The following CPS1 variants were observed in gnomAD, a reference collection of about 807,000 sequenced individuals.
The protein encoded by CPS1 is carbamoyl-phosphate synthase [ammonia], mitochondrial.
In CPS1, 109 loss-of-function variants were observed where a neutral mutation model predicts 174.6. The ratio of observed to expected loss-of-function variants is 0.62; its 90% CI spans 0.53 to 0.73. The LOEUF (loss-of-function observed/expected upper bound fraction) is 0.73, where lower values mean the gene tolerates loss of function less well. Among genes scored for constraint, CPS1 ranks in the 30% least tolerant of loss-of-function variants. The pLI is 0.00. For synonymous variants in CPS1, 637 were observed against 632.0 expected (o/e 1.01, Z -0.12); for missense variants, 1,689 against 1,821.9 (o/e 0.93, Z 1.33).
At chr2:210,521,134 G>A (rs565448464) in intron 1 of CPS1, among the ~76,000 whole-genome samples, 1 of 152,066 alleles carries the variant, frequency 6.6e-6, no homozygotes, top group South Asian at 2.1e-4. Flanking sequence ...TCAAATTGTA[G>A]CCATTCTTAT....
At chr2:210,639,932 A>G (rs1700164425) in intron 23 of CPS1, 64 bp from the exon 24 acceptor site, 3 of 1,103,628 alleles carry the variant, frequency 2.7e-6, no homozygotes, top group African/African-American at 1.5e-5. Flanking sequence ...TAGGACAACT[A>G]GTTTAATTAA....
intron 14 of CPS1, 87 bp downstream of exon 14, chr2:210,599,648 T>C: frequency 7.0e-7 from 1 of 1,438,502 alleles, no homozygotes; most frequent in East Asian, 2.3e-5. Flanking sequence ...ACAATTGTGC[T>C]TTGTGTGTTC....
At chr2:210,507,368 C>A (rs1389144135) in intron 1 of CPS1, among the ~76,000 whole-genome samples, 3 of 152,152 alleles carry the variant, frequency 2.0e-5, no homozygotes, top group African/African-American at 7.2e-5. Context: ...AAAAGAGCTC[C>A]TGAAGGAAGC....
rs534600108 is a variant in CPS1 at position 210,492,202 on chromosome 2, G to T, written c.3+14436G>T. On this transcript the variant is annotated intron_variant, in intron 1 of 38. Coordinates refer to the CPS1 transcript ENST00000430249. ...TCAAAATAAGTTATAAGATATAGCA[G>T]CATTTGCTGGCTGGAAAACCTTTAG... Among the ~76,000 whole-genome samples, 11 of 152,300 alleles carry T rather than the reference G, an allele frequency of 7.2e-5. No individual in the cohort carries two copies. The East Asian group carries it at 2.1e-3, about 29-fold the overall frequency.
intron 18 of CPS1, 135 bp downstream of exon 18, chr2:210,607,076 T>C: frequency 1.3e-6 from 1 of 757,740 alleles, no homozygotes; most frequent in Non-Finnish European, 2.2e-6. Context: ...AAATCATTTA[T>C]AGCACCCTGA....
At chr2:210,605,431 C>T (rs1443613623) in intron 17 of CPS1, among the ~76,000 whole-genome samples, 185 bp downstream of exon 17, 3 of 151,866 alleles carry the variant, frequency 2.0e-5, no homozygotes, top group East Asian at 3.9e-4. Context: ...TTGATCTTCA[C>T]ACAAACCCTG....
At chr2:210,570,848 G>C (rs1697455975) in intron 1 of CPS1, among the ~76,000 whole-genome samples, 1 of 151,856 alleles carries the variant, frequency 6.6e-6, no homozygotes, top group South Asian at 2.1e-4. Flanking sequence ...GTTACCTGGG[G>C]AGTTTTCCTA....
At chr2:210,510,937 T>G (rs942047627) in intron 1 of CPS1, among the ~76,000 whole-genome samples, 1 of 152,210 alleles carries the variant, frequency 6.6e-6, no homozygotes, top group Non-Finnish European at 1.5e-5. Context: ...TTGGTGGGAC[T>G]GTAAACTAGT....
intron 21 of CPS1, among the ~76,000 whole-genome samples, chr2:210,630,104 AC>A (rs1371650563): frequency 2.9e-4 from 44 of 151,354 alleles, no homozygotes; most frequent in African/African-American, 1.0e-3. Flanking sequence ...AAAAAAAAAA[AC>A]AAAACCATGA....
At chr2:210,601,542 A>T (rs16844659) in intron 15 of CPS1, among the ~76,000 whole-genome samples, 1,933 of 152,098 alleles carry the variant, frequency 0.013, 32 homozygotes, top group African/African-American at 0.041. Flanking sequence ...CTCTTGCCAT[A>T]CATTTGTTCT....
chr2:210,514,752 C>G (rs1695629420), intron 1 of CPS1, among the ~76,000 whole-genome samples: 1 of 146,242 alleles, frequency 6.8e-6, no homozygotes. Context: ...AATAGGCATC[C>G]TTGTCTTGTT....
chr2:210,522,682 C>T (rs1473228215), intron 1 of CPS1, among the ~76,000 whole-genome samples: 1 of 151,910 alleles, frequency 6.6e-6, no homozygotes, highest in Non-Finnish European at 1.5e-5. Flanking sequence ...TAATAGTGGA[C>T]AGTTGCTATC....
intron 21 of CPS1, among the ~76,000 whole-genome samples, chr2:210,628,631 C>A (rs1455984201): frequency 6.6e-6 from 1 of 152,018 alleles, no homozygotes; most frequent in African/African-American, 2.4e-5. Context: ...GAAATACTGT[C>A]TCTACTAAAA....
At chr2:210,506,794 G>A (rs193171617) in intron 1 of CPS1, among the ~76,000 whole-genome samples, 3 of 152,238 alleles carry the variant, frequency 2.0e-5, no homozygotes, top group Non-Finnish European at 4.4e-5. Flanking sequence ...AAGATCAAAC[G>A]AATGAAATGA....
At chr2:210,564,852 T>C (rs1407017975) in intron 1 of CPS1, among the ~76,000 whole-genome samples, 1 of 151,708 alleles carries the variant, frequency 6.6e-6, no homozygotes, top group Non-Finnish European at 1.5e-5. Context: ...ATTAGCTGGG[T>C]GTGGTGGCGC....
intron 21 of CPS1, among the ~76,000 whole-genome samples, chr2:210,620,852 G>C (rs1340249338): frequency 6.6e-6 from 1 of 151,942 alleles, no homozygotes; most frequent in Non-Finnish European, 1.5e-5. Context: ...TCTGAGATTT[G>C]GGCAGGGACA....
chr2:210,507,966 C>T (rs914224816), intron 1 of CPS1, among the ~76,000 whole-genome samples: 8 of 151,990 alleles, frequency 5.3e-5, no homozygotes, highest in Admixed American at 2.0e-4. Context: ...TTAGACAGAT[C>T]AACGAGACAG....
In CPS1 at chr2:210,599,471, A is replaced by G. The variant is rs1410516176; in HGVS notation, c.1459A>G (p.Ile487Val). 3.1e-6 allele frequency: 5 copies of G among 1,612,458 alleles called. No homozygotes were observed. In the African/African-American group the frequency reaches 5.3e-5, roughly 17 times the overall value. Reference sequence around the variant, plus strand: ...AGCGGATACTGTCTACTTTCTTCCCATCACCCCTCAGTTTGTCACAGAGGT... The same window carrying G: ...AGCGGATACTGTCTACTTTCTTCCCGTCACCCCTCAGTTTGTCACAGAGGT... ...KQADTVYFLP[I>V]TPQFVTEVIK... Residue 487 changes from isoleucine (I) to valine (V), a missense_variant, in exon 14 of 38, where the codon ATC becomes GTC. Physicochemically the swap from Ile to Val is conservative, Grantham distance 29. Transcript: ENST00000233072.
intron 1 of CPS1, among the ~76,000 whole-genome samples, chr2:210,568,635 CT>C (rs1030124739): frequency 7.9e-5 from 12 of 152,054 alleles, no homozygotes; most frequent in Middle Eastern, 3.4e-3. Context: ...AATAACTAGC[CT>C]GTAGGACCAG....
Sources: allele counts gnomAD v4.1 joint callset (sites outside exome capture counted in the v4.1 genomes callset), GRCh38; gene constraint gnomAD v4.1.1; transcripts MANE v1.5; gene names NCBI Gene and HGNC (gene_info 2026-07-23, HGNC 2026-07-21).